The following HIVEP3 variants were observed in gnomAD, a reference collection of about 807,000 sequenced individuals.
HIVEP3 encodes transcription factor HIVEP3.
In HIVEP3, 49 loss-of-function variants were observed where a neutral mutation model predicts 152.8. The observed-to-expected ratio is 0.32, with a 90% CI of 0.26 to 0.41. The LOEUF (loss-of-function observed/expected upper bound fraction) is 0.41, where lower values mean the gene tolerates loss of function less well. HIVEP3 is among the 10% of genes least tolerant of loss of function. HIVEP3 has a pLI of 1.00. For synonymous variants in HIVEP3, 1,269 were observed against 1,289.0 expected (o/e 0.98, Z 0.33); for missense variants, 2,790 against 3,103.3 (o/e 0.90, Z 2.40).
chr1:41,897,981 G>GAGAGAGAGA (rs1644561129), intron 1 of HIVEP3, among the ~76,000 whole-genome samples: 3 of 142,402 alleles, frequency 2.1e-5, no homozygotes, highest in Admixed American at 7.0e-5. Context: ...GAGAGAGAGA[G>GAGAGAGAGA]GTGCTGGGAG....
intron 1 of HIVEP3, among the ~76,000 whole-genome samples, chr1:41,824,754 TA>T (rs1325643788): frequency 3.2e-4 from 2 of 6,220 alleles, no homozygotes; most frequent in Non-Finnish European, 5.3e-4. Context: ...TATATATATA[TA>T]TATATATATA....
chr1:41,808,797 G>T (rs888506960), intron 1 of HIVEP3, among the ~76,000 whole-genome samples: 1 of 152,270 alleles, frequency 6.6e-6, no homozygotes, highest in Middle Eastern at 3.4e-3. Flanking sequence ...TTATTCAAAC[G>T]GCCCATATGG....
At chr1:42,005,344 T>G (rs539720717) in intron 1 of HIVEP3, among the ~76,000 whole-genome samples, 28 of 152,218 alleles carry the variant, frequency 1.8e-4, no homozygotes, top group Non-Finnish European at 3.8e-4. Context: ...CACGCACACA[T>G]ACATATATAT....
At chr1:41,530,834 T>G (rs934427864) in intron 5 of HIVEP3, among the ~76,000 whole-genome samples, 2 of 152,192 alleles carry the variant, frequency 1.3e-5, no homozygotes, top group African/African-American at 4.8e-5. Context: ...ACATGGTCTT[T>G]CCAAATGGAG....
At chr1:42,005,032 G>A (rs1050729290) in intron 1 of HIVEP3, among the ~76,000 whole-genome samples, 5 of 152,154 alleles carry the variant, frequency 3.3e-5, no homozygotes, top group Admixed American at 3.3e-4. Flanking sequence ...CCTCCTTGCT[G>A]TCCTGGACAC....
intron 1 of HIVEP3, among the ~76,000 whole-genome samples, chr1:41,711,312 C>A (rs6686233): frequency 0.038 from 5,816 of 152,288 alleles, 386 homozygotes; most frequent in African/African-American, 0.13. Flanking sequence ...AAATGCAGAG[C>A]CCATGGCAGC....
intron 2 of HIVEP3, among the ~76,000 whole-genome samples, chr1:41,630,363 C>G (rs1242967511): frequency 6.6e-6 from 1 of 152,160 alleles, no homozygotes; most frequent in Non-Finnish European, 1.5e-5. Context: ...CATTCTACTC[C>G]AAACCTCAGC....
At chr1:41,970,811 G>A (rs1283451666) in intron 1 of HIVEP3, among the ~76,000 whole-genome samples, 4 of 152,132 alleles carry the variant, frequency 2.6e-5, no homozygotes, top group African/African-American at 9.7e-5. Flanking sequence ...CACAGAGGGA[G>A]GACTATATGA....
chr1:41,966,402 G>A (rs1570851899), intron 1 of HIVEP3, among the ~76,000 whole-genome samples: 1 of 151,066 alleles, frequency 6.6e-6, no homozygotes, highest in Non-Finnish European at 1.5e-5. Context: ...ATGTAAATGG[G>A]CTAAATGCCC....
At chr1:41,961,838 G>A (rs539302515) in intron 1 of HIVEP3, among the ~76,000 whole-genome samples, 4 of 152,320 alleles carry the variant, frequency 2.6e-5, no homozygotes, top group East Asian at 1.9e-4. Flanking sequence ...TCTCTATCCC[G>A]GAAAATAATA....
At chr1:41,715,344 TC>T (rs1646575401) in intron 1 of HIVEP3, among the ~76,000 whole-genome samples, 1 of 152,104 alleles carries the variant, frequency 6.6e-6, no homozygotes, top group African/African-American at 2.4e-5. Context: ...GCTGCCCTAC[TC>T]CCTGACGTGT....
rs144482094 is a variant in HIVEP3, at chr1:41,863,864, C to T, written c.-801+54549G>A. ...AGTTTCTCCCTGGCTCTAAAATTTACGATTGTGAGAGCTGATTATTGCAGG... is the reference window on the plus strand; with the variant it reads ...AGTTTCTCCCTGGCTCTAAAATTTATGATTGTGAGAGCTGATTATTGCAGG... On this transcript the variant is annotated intron_variant, in intron 1 of 8. Transcript: ENST00000372583. Among the ~76,000 whole-genome samples, 885 of 152,262 alleles carry T rather than the reference C, an allele frequency of 5.8e-3. 8 individuals are homozygous for T. The highest frequency in any genetic ancestry group is 0.014 in the Middle Eastern group (4 of 294).
chr1:41,916,559 G>A (rs962138815), intron 1 of HIVEP3, among the ~76,000 whole-genome samples: 2 of 152,144 alleles, frequency 1.3e-5, no homozygotes, highest in African/African-American at 4.8e-5. Context: ...AGGTGTCTTA[G>A]TTGGACAGCT....
chr1:41,575,300 G>T (rs567402546), intron 5 of HIVEP3, among the ~76,000 whole-genome samples: 6 of 152,302 alleles, frequency 3.9e-5, no homozygotes, highest in African/African-American at 1.4e-4. Flanking sequence ...GAAAGACCCA[G>T]ACCTCTCCAG....
chr1:41,537,700 T>A (rs1288715471), intron 5 of HIVEP3, among the ~76,000 whole-genome samples: 3 of 152,202 alleles, frequency 2.0e-5, no homozygotes, highest in Admixed American at 2.0e-4. Context: ...GGAGGCCATG[T>A]GGGTCATGGG....
At chr1:41,518,521 A>G (rs769541923) in intron 6 of HIVEP3, 33 bp from the exon 7 acceptor site, 1 of 1,590,128 alleles carries the variant, frequency 6.3e-7, no homozygotes, top group Non-Finnish European at 8.6e-7. Context: ...AGGCTCTGCT[A>G]TGGGGCAGGA....
intron 1 of HIVEP3, among the ~76,000 whole-genome samples, chr1:41,815,732 A>T (rs77793060): frequency 0.015 from 2,255 of 151,152 alleles, 53 homozygotes; most frequent in African/African-American, 0.051. Context: ...CAAGTGCCGT[A>T]GGAATCGATG....
At position 41,632,585 on chromosome 1, in the gene HIVEP3, G is replaced by A. The variant is rs140167392; in HGVS notation, c.-720-3638C>T. Among the ~76,000 whole-genome samples, 105 of 152,102 alleles carry A rather than the reference G, an allele frequency of 6.9e-4. 2 individuals carry two copies. In the East Asian group the frequency reaches 0.02, roughly 28 times the overall value. On this transcript the variant is annotated intron_variant, in intron 2 of 8. Transcript: ENST00000372583. ...ATCCTGGCCAACATGGTGAAACCCT[G>A]TCTCTACTGAAAATACAAAAATTAG... is the stretch of plus-strand genomic sequence containing the variant.
At chr1:41,896,345 G>C (rs1425170170) in intron 1 of HIVEP3, among the ~76,000 whole-genome samples, 1 of 152,186 alleles carries the variant, frequency 6.6e-6, no homozygotes, top group African/African-American at 2.4e-5. Context: ...TCAGAAGTTA[G>C]TGCTGAATTA....
Sources: allele counts gnomAD v4.1 joint callset (sites outside exome capture counted in the v4.1 genomes callset), GRCh38; gene constraint gnomAD v4.1.1; transcripts MANE v1.5; gene names NCBI Gene and HGNC (gene_info 2026-07-23, HGNC 2026-07-21).